GLRB: variants seen among roughly 807,000 people sequenced by gnomAD.
GLRB encodes the protein glycine receptor beta.
A neutral mutation model predicts 54.2 loss-of-function variants in GLRB; 33 were observed. The observed-to-expected ratio is 0.61, with a 90% CI of 0.46 to 0.81. GLRB has a LOEUF of 0.81. GLRB is among the 40% of genes least tolerant of loss of function. GLRB has a pLI of 0.00. For synonymous variants in GLRB, 209 were observed against 208.2 expected, an observed-to-expected ratio of 1.00 and a Z score of -0.03; for missense variants, 572 against 584.6, an observed-to-expected ratio of 0.98 and a Z score of 0.22.
At chr4:157,098,901 C>T (rs1245190721) in intron 2 of GLRB, among the ~76,000 whole-genome samples, 1 of 152,100 alleles carries the variant, frequency 6.6e-6, no homozygotes, top group Non-Finnish European at 1.5e-5. Context: ...AGCTACCGTG[C>T]CTGGCTGAAA....
chr4:157,095,769 G>C (rs1339400711), intron 2 of GLRB, among the ~76,000 whole-genome samples: 1 of 152,160 alleles, frequency 6.6e-6, no homozygotes, highest in East Asian at 1.9e-4. Flanking sequence ...GTAAAAGCCG[G>C]CTGTGACTGT....
chr4:157,166,328 C>T (rs1737706509), intron 9 of GLRB, among the ~76,000 whole-genome samples: 1 of 151,912 alleles, frequency 6.6e-6, no homozygotes, highest in East Asian at 1.9e-4. Context: ...GGGTTAATGT[C>T]TTGTTTATAA....
intron 2 of GLRB, among the ~76,000 whole-genome samples, chr4:157,096,533 AG>A (rs1311203917): frequency 6.6e-6 from 1 of 152,214 alleles, no homozygotes; most frequent in Non-Finnish European, 1.5e-5. Context: ...AGGGACAAGA[AG>A]GGCTTATCTT....
At chr4:157,112,508 T>G (rs1735459277) in intron 2 of GLRB, among the ~76,000 whole-genome samples, 1 of 151,928 alleles carries the variant, frequency 6.6e-6, no homozygotes, top group African/African-American at 2.4e-5. Context: ...TAGTATTTAG[T>G]TGATGTTGTA....
chr4:157,120,865 G>T (rs761169866), intron 3 of GLRB, among the ~76,000 whole-genome samples: 3 of 151,564 alleles, frequency 2.0e-5, no homozygotes, highest in African/African-American at 4.8e-5. Flanking sequence ...AATTCTAATT[G>T]TTTTATAGGT....
At chr4:157,150,705 T>C (rs879614352) in intron 8 of GLRB, among the ~76,000 whole-genome samples, 2 of 152,078 alleles carry the variant, frequency 1.3e-5, no homozygotes, top group Non-Finnish European at 2.9e-5. Context: ...TTCTTTTCTA[T>C]AGGCCCCTTC....
intron 4 of GLRB, among the ~76,000 whole-genome samples, chr4:157,128,480 A>G (rs1355806790): frequency 1.3e-5 from 2 of 151,872 alleles, no homozygotes; most frequent in Non-Finnish European, 2.9e-5. Context: ...ATACTACACA[A>G]CTTCCTGAAC....
intron 4 of GLRB, among the ~76,000 whole-genome samples, chr4:157,131,737 A>G (rs1387189444): frequency 1.3e-5 from 2 of 151,816 alleles, no homozygotes; most frequent in Non-Finnish European, 2.9e-5. Flanking sequence ...ATGTTTCACC[A>G]TATCTTCTCA....
chr4:157,088,112 T>C (rs1364859620), intron 2 of GLRB, among the ~76,000 whole-genome samples: 1 of 152,168 alleles, frequency 6.6e-6, no homozygotes, highest in Non-Finnish European at 1.5e-5. Context: ...ATAAAATATG[T>C]TGGATACCTT....
At chr4:157,133,106 A>G (rs55746958) in intron 4 of GLRB, among the ~76,000 whole-genome samples, 2,292 of 152,074 alleles carry the variant, frequency 0.015, 27 homozygotes, top group Non-Finnish European at 0.026. Context: ...TCTTTACAAC[A>G]ATAGAAAAGG....
chr4:157,167,116 T>G (rs953003938), intron 9 of GLRB, among the ~76,000 whole-genome samples: 21 of 152,162 alleles, frequency 1.4e-4, no homozygotes, highest in African/African-American at 5.1e-4. Context: ...ATAGGCAGAA[T>G]CTAGAGTACT....
intron 9 of GLRB, among the ~76,000 whole-genome samples, chr4:157,156,500 C>T (rs975053005): frequency 6.6e-6 from 1 of 152,142 alleles, no homozygotes; most frequent in Non-Finnish European, 1.5e-5. Flanking sequence ...AATAATCTGA[C>T]TTCCTCTTTT....
rs140970651 is a variant in GLRB, at chr4:157,133,888, A to G, written c.298-2581A>G. Among the ~76,000 whole-genome samples the G allele has an allele frequency of 6.2e-3, 949 of 152,162 alleles. 36 individuals carry two copies. Among genetic ancestry groups the G allele is most frequent in the Admixed American group, 0.058 (888 of 15,228 alleles). On this transcript the variant is annotated intron_variant, in intron 4 of 9. Transcript: ENST00000264428. The stretch of plus-strand genomic sequence containing the variant: ...GATAGTAAACTTCACATGGAGAAAC[A>G]CTATTAAAATTCCTAAAGAAATTTA...
At chr4:157,121,671 G>T (rs1415780444) in intron 3 of GLRB, among the ~76,000 whole-genome samples, 1 of 151,166 alleles carries the variant, frequency 6.6e-6, no homozygotes, top group Non-Finnish European at 1.5e-5. Flanking sequence ...TGGCTAAAAG[G>T]CTAAATTCAC....
rs539567958 is a variant in GLRB, at chr4:157,138,695, A to G, written c.611-114A>G. The G allele has an allele frequency of 2.9e-4, 185 of 638,208 alleles. 1 individual carries two copies. Among genetic ancestry groups the G allele is most frequent in the African/African-American group, 2.8e-3 (154 of 54,470 alleles). 39.5% of individuals were successfully genotyped at this position (638,208 alleles called of 1,614,324 possible). On this transcript the variant is annotated intron_variant, in intron 6 of 9. Coordinates refer to ENST00000264428, the MANE Select transcript of GLRB (RefSeq NM_000824.5). ...TTTACATTTTAAACTACAATTTCATATAAGAAGGTCTTATTTTCTTTCCTT... is the reference window on the plus strand; with the variant it reads ...TTTACATTTTAAACTACAATTTCATGTAAGAAGGTCTTATTTTCTTTCCTT...
chr4:157,109,037 T>A (rs2126502189), intron 2 of GLRB, among the ~76,000 whole-genome samples: 1 of 152,256 alleles, frequency 6.6e-6, no homozygotes, highest in Middle Eastern at 3.4e-3. Context: ...AAGGTATGTT[T>A]ATTATTTAAT....
chr4:157,094,537 A>G lies in GLRB; in HGVS notation c.122+16391A>G, dbSNP rs72685564. 9.3e-3 allele frequency among the ~76,000 whole-genome samples: 1,421 copies of G among 152,308 alleles called. 10 individuals are homozygous for G. The highest frequency in any genetic ancestry group is 0.015 in the Admixed American group (223 of 15,300). On this transcript the variant is annotated intron_variant, in intron 2 of 9. Coordinates refer to ENST00000264428, the MANE Select transcript of GLRB (RefSeq NM_000824.5). ...AATATACAAATAACTTTTAGGCATT[A>G]TTAAGAAAAAAGCAGACAACCTAAT... is the stretch of plus-strand genomic sequence containing the variant.
chr4:157,120,932 G>A (rs767159263), intron 3 of GLRB, among the ~76,000 whole-genome samples: 3 of 151,504 alleles, frequency 2.0e-5, no homozygotes, highest in East Asian at 1.9e-4. Context: ...GCCAACATCC[G>A]CAATGGGTTT....
At chr4:157,160,233 T>C (rs1737423308) in intron 9 of GLRB, among the ~76,000 whole-genome samples, 1 of 151,720 alleles carries the variant, frequency 6.6e-6, no homozygotes, top group Non-Finnish European at 1.5e-5. Context: ...TTTTCTTCTT[T>C]ATTAGTCTTG....
Sources: allele counts gnomAD v4.1 joint callset (sites outside exome capture counted in the v4.1 genomes callset), GRCh38; gene constraint gnomAD v4.1.1; transcripts MANE v1.5; gene names NCBI Gene and HGNC (gene_info 2026-07-23, HGNC 2026-07-21).